AKT3: variants seen among roughly 807,000 people sequenced by gnomAD.
AKT3 encodes AKT serine/threonine kinase 3, also known as RAC-gamma serine/threonine-protein kinase.
Under a neutral mutation model 65.3 loss-of-function variants are expected in AKT3, and 15 were observed. The observed-to-expected ratio is 0.23, with a 90% confidence interval of 0.15 to 0.35. AKT3 has a LOEUF of 0.35. Among genes scored for constraint, AKT3 ranks in the 10% least tolerant of loss-of-function variants. AKT3 has a pLI of 1.00. For synonymous variants in AKT3, 206 were observed against 183.8 expected (o/e 1.12, Z -0.98); for missense variants, 243 against 576.5 (o/e 0.42, Z 5.92).
chr1:243,515,112 AC>A, intron 12 of AKT3, among the ~76,000 whole-genome samples: 1 of 152,224 alleles, frequency 6.6e-6, no homozygotes, highest in East Asian at 1.9e-4. Context: ...CATCCATGTC[AC>A]CACATGTATC....
intron 5 of AKT3, among the ~76,000 whole-genome samples, chr1:243,642,358 A>G (rs112110855): frequency 0.044 from 6,741 of 152,298 alleles, 311 homozygotes; most frequent in African/African-American, 0.11. Context: ...CGCCCAGGCT[A>G]GAGTGCAGTG....
chr1:243,645,946 C>T lies in AKT3; in HGVS notation c.376G>A (p.Asp126Asn). 6.2e-7 allele frequency: 1 copy of T among 1,612,666 alleles called. No individual in the cohort carries two copies. The highest frequency in any genetic ancestry group is 1.1e-5 in the South Asian group (1 of 90,982). ...RMNCSPTSQIDNIGEEEMDAS... is the reference protein window; with the variant it reads ...RMNCSPTSQINNIGEEEMDAS... ...TCCATCTCTTCCTCTCCTATATTAT[C>T]AATTTGTGAAGTTGGACTACAATTC... Residue 126 changes from aspartate (D) to asparagine (N), a missense_variant, in exon 5 of 14, where the codon GAT (aspartate) becomes AAT (asparagine). Physicochemically the swap from Asp to Asn is conservative, Grantham distance 23. Around this residue, in one of 6 missense-constraint regions of AKT3, gnomAD observed 72 missense variants for 86.0 expected, o/e 0.84. Coordinates refer to ENST00000673466, the MANE Select transcript of AKT3 (RefSeq NM_005465.7).
intron 2 of AKT3, among the ~76,000 whole-genome samples, chr1:243,796,214 T>C (rs1228917783): frequency 1.3e-5 from 2 of 152,240 alleles, no homozygotes; most frequent in Non-Finnish European, 2.9e-5. Flanking sequence ...CTGATTTCTT[T>C]CTTCCATTTA....
intron 2 of AKT3, among the ~76,000 whole-genome samples, chr1:243,721,486 C>A (rs1329489553): frequency 6.6e-6 from 1 of 152,086 alleles, no homozygotes; most frequent in Admixed American, 6.5e-5. Context: ...ACTCTGAAGG[C>A]TCCTGTGTCA....
At chr1:243,572,834 T>C in intron 9 of AKT3, 92 bp downstream of exon 9, 1 of 1,301,082 alleles carries the variant, frequency 7.7e-7, no homozygotes, top group East Asian at 2.5e-5. Flanking sequence ...TAAATCTGCT[T>C]TTCTCAAAAC....
rs750244292 is a variant in AKT3, at chr1:243,535,841, C to A, written c.1251+9669G>T. On this transcript the variant is annotated intron_variant, in intron 12 of 13. Coordinates refer to ENST00000673466, the MANE Select transcript of AKT3 (RefSeq NM_005465.7). ...TTGTACTAATTTACATTCCCACCAA[C>A]AGCATGTAAGCATTCCCTTTTTACC... Among the ~76,000 whole-genome samples the A allele has an allele frequency of 1.3e-3, 193 of 152,182 alleles. 3 individuals are homozygous for A. The highest frequency in any genetic ancestry group is 4.1e-4 in the Non-Finnish European group (28 of 68,020).
intron 6 of AKT3, chr1:243,624,863 G>T: frequency 9.6e-6 from 2 of 208,440 alleles, no homozygotes; most frequent in East Asian, 2.3e-4. Context: ...TCTCCCAGAT[G>T]GAAACTAACC....
intron 2 of AKT3, among the ~76,000 whole-genome samples, chr1:243,780,740 T>A (rs969734709): frequency 6.6e-6 from 1 of 151,968 alleles, no homozygotes; most frequent in African/African-American, 2.4e-5. Context: ...CTAACTTTTA[T>A]ACAGGGCTGA....
intron 2 of AKT3, among the ~76,000 whole-genome samples, chr1:243,767,819 T>C (rs976937733): frequency 2.6e-5 from 4 of 152,070 alleles, no homozygotes; most frequent in African/African-American, 9.7e-5. Flanking sequence ...TAAGTCTGAA[T>C]TTTTTTCTTA....
chr1:243,613,598 T>C, intron 8 of AKT3, 73 bp downstream of exon 8: 2 of 1,209,974 alleles, frequency 1.7e-6, no homozygotes, highest in Non-Finnish European at 2.3e-6. Flanking sequence ...ATATTGTAAC[T>C]TGTATTTTAA....
chr1:243,693,770 G>A (rs765797529), intron 3 of AKT3, among the ~76,000 whole-genome samples: 53 of 151,984 alleles, frequency 3.5e-4, no homozygotes, highest in Non-Finnish European at 5.9e-4. Flanking sequence ...TGAAGATTGC[G>A]GTAAGTCAAG....
rs1475889554 is a variant in AKT3 at position 243,519,038 on chromosome 1, G to A, written c.1252-6612C>T. On this transcript the variant is annotated intron_variant, in intron 12 of 13. Coordinates refer to ENST00000673466, the MANE Select transcript of AKT3 (RefSeq NM_005465.7). ...GAAGTATGCCCCAAATAAATCAGCAGTCTAAAAATGGATAACTTATTTTAA... is the reference window on the plus strand; with the variant it reads ...GAAGTATGCCCCAAATAAATCAGCAATCTAAAAATGGATAACTTATTTTAA... Among the ~76,000 whole-genome samples the A allele has an allele frequency of 2.0e-5, 3 of 152,206 alleles. No individual in the cohort carries two copies. In the South Asian group the frequency reaches 6.2e-4, roughly 32 times the overall value.
chr1:243,778,023 C>CCATCTT lies in AKT3; in HGVS notation c.46+65096_46+65101dup, dbSNP rs150951753. ...GAATGTTTCCATCTGGACTCTGGGA[C>CCATCTT]CATCTTTAAGATTCATTTCAAAGAC... On this transcript the variant is annotated intron_variant, in intron 2 of 13. Coordinates refer to ENST00000673466, the MANE Select transcript of AKT3 (RefSeq NM_005465.7). Among the ~76,000 whole-genome samples the CCATCTT allele has an allele frequency of 6.9e-3, 1,046 of 152,216 alleles. 79 individuals are homozygous for CCATCTT. In the East Asian group the frequency reaches 0.17, roughly 24 times the overall value.
chr1:243,587,985 C>T (rs1437640956), intron 8 of AKT3, among the ~76,000 whole-genome samples: 6 of 152,018 alleles, frequency 3.9e-5, no homozygotes, highest in African/African-American at 7.3e-5. Flanking sequence ...AAGTGCATGA[C>T]GATGGTACCT....
intron 2 of AKT3, among the ~76,000 whole-genome samples, chr1:243,775,020 G>A (rs1366894857): frequency 1.3e-5 from 2 of 152,044 alleles, no homozygotes; most frequent in East Asian, 1.9e-4. Flanking sequence ...GTGCCACCAC[G>A]CCTAGCTAAT....
intron 12 of AKT3, among the ~76,000 whole-genome samples, chr1:243,526,175 G>A (rs1671061927): frequency 6.6e-6 from 1 of 152,082 alleles, no homozygotes; most frequent in African/African-American, 2.4e-5. Context: ...AGTAAGTTGA[G>A]AAGCGAAGAT....
chr1:243,803,736 TC>T (rs766948831), intron 2 of AKT3, among the ~76,000 whole-genome samples: 1 of 149,980 alleles, frequency 6.7e-6, no homozygotes, highest in Non-Finnish European at 1.5e-5. Context: ...AAGCCACTAC[TC>T]CCCGACAACT....
chr1:243,754,753 C>A (rs1558781148), intron 2 of AKT3, among the ~76,000 whole-genome samples: 2 of 152,124 alleles, frequency 1.3e-5, no homozygotes, highest in Non-Finnish European at 2.9e-5. Context: ...CCAAAACCGT[C>A]CCCCCTCCCA....
rs76718021 is a variant in AKT3 at position 243,613,524 on chromosome 1, C to T, written c.696+147G>A. ...CATTACATCTCATCAGAAATAATTT[C>T]GCTCCCATTTGTTCAATAGTATTAA... On this transcript the variant is annotated intron_variant, in intron 8 of 13. Coordinates refer to ENST00000673466, the MANE Select transcript of AKT3 (RefSeq NM_005465.7). 0.033 allele frequency: 15,000 copies of T among 449,606 alleles called. 342 individuals carry two copies. Among genetic ancestry groups the T allele is most frequent in the African/African-American group, 0.068 (3,354 of 49,240 alleles). 27.9% of individuals were successfully genotyped at this position (449,606 alleles called of 1,614,324 possible).
Sources: gnomAD v4.1 joint callset for allele counts (sites outside exome capture counted in the v4.1 genomes callset) on GRCh38, gnomAD v4.1.1 for gene constraint, gnomAD v4.1.1 regional missense constraint, MANE v1.5 for transcripts, NCBI Gene and HGNC (gene_info 2026-07-23, HGNC 2026-07-21) for gene names.